The following RAPGEF4 variants were observed in gnomAD, a reference collection of about 807,000 sequenced individuals.
The protein encoded by RAPGEF4 is RAP guanine-nucleotide-exchange factor (GEF) 4.
In RAPGEF4, 66 loss-of-function variants were observed where a neutral mutation model predicts 147.9. The ratio of observed to expected loss-of-function variants is 0.45; its 90% CI spans 0.37 to 0.55. The LOEUF is 0.55. Among genes scored for constraint, RAPGEF4 ranks in the 20% least tolerant of loss-of-function variants. The pLI, the probability that RAPGEF4 is intolerant of heterozygous loss-of-function variation, is 0.00. For synonymous variants in RAPGEF4, 419 were observed against 442.7 expected, an observed-to-expected ratio of 0.95 and a Z score of 0.67; for missense variants, 1,071 against 1,257.3, an observed-to-expected ratio of 0.85 and a Z score of 2.24.
At chr2:172,764,998 CTG>C (rs1300280458) in intron 1 of RAPGEF4, among the ~76,000 whole-genome samples, 3 of 152,156 alleles carry the variant, frequency 2.0e-5, no homozygotes, top group Non-Finnish European at 4.4e-5. Flanking sequence ...TCTAACAGTT[CTG>C]GAGGCTAGAA....
At chr2:172,807,024 C>G (rs1277541219) in intron 3 of RAPGEF4, among the ~76,000 whole-genome samples, 1 of 152,220 alleles carries the variant, frequency 6.6e-6, no homozygotes, top group Non-Finnish European at 1.5e-5. Context: ...ACAGAGAACA[C>G]TGCCATCATT....
chr2:172,923,165 CT>C (rs1261368306), intron 6 of RAPGEF4, among the ~76,000 whole-genome samples: 3 of 152,190 alleles, frequency 2.0e-5, no homozygotes, highest in Non-Finnish European at 4.4e-5. Flanking sequence ...CAGTCTCTGG[CT>C]TGCTTTAGCT....
intron 1 of RAPGEF4, among the ~76,000 whole-genome samples, chr2:172,747,754 T>C (rs114190459): frequency 0.015 from 2,342 of 152,308 alleles, 63 homozygotes; most frequent in African/African-American, 0.054. Context: ...GGAGCCACTG[T>C]GTCCAGCCCA....
intron 4 of RAPGEF4, among the ~76,000 whole-genome samples, chr2:172,834,570 T>C (rs1182908530): frequency 6.6e-6 from 1 of 152,212 alleles, no homozygotes; most frequent in African/African-American, 2.4e-5. Flanking sequence ...TGTAAATAAA[T>C]TTGTTTATTT....
chr2:172,917,697 C>G (rs1205702658), intron 4 of RAPGEF4, 105 bp from the exon 5 acceptor site: 3 of 944,614 alleles, frequency 3.2e-6, no homozygotes, highest in Non-Finnish European at 1.7e-6. Context: ...ATACAAGGCT[C>G]AGATGCTTCC....
At chr2:172,998,338 G>T (rs1186736663) in intron 16 of RAPGEF4, among the ~76,000 whole-genome samples, 4 of 152,212 alleles carry the variant, frequency 2.6e-5, no homozygotes, top group Non-Finnish European at 5.9e-5. Flanking sequence ...TGAGTGGTCG[G>T]ATTTTTACTG....
intron 1 of RAPGEF4, among the ~76,000 whole-genome samples, chr2:172,754,688 T>C (rs1316411649): frequency 1.3e-5 from 2 of 151,906 alleles, no homozygotes; most frequent in Non-Finnish European, 2.9e-5. Flanking sequence ...TATTAGTAGA[T>C]AGGGCAAGGA....
chr2:172,999,081 G>A (rs1693651711), intron 16 of RAPGEF4, among the ~76,000 whole-genome samples: 1 of 152,166 alleles, frequency 6.6e-6, no homozygotes, highest in Admixed American at 6.5e-5. Context: ...TGTGCCAAGA[G>A]TAGCCTGATT....
chr2:172,831,481 T>C (rs149097879), intron 4 of RAPGEF4, among the ~76,000 whole-genome samples: 2,277 of 151,778 alleles, frequency 0.015, 19 homozygotes, highest in South Asian at 0.034. Flanking sequence ...GTTGGCCAGG[T>C]TGGTCTCGAA....
rs1332449341 is a variant in RAPGEF4, at chr2:173,042,313, CAA to C, written c.2853+5624_2853+5625del. Reference sequence around the variant, plus strand: ...TTTCAAATATTTTATGTAATAAATCCAAAAGTGTCTTCTATTTTATTAGAAAA... The same window carrying C: ...TTTCAAATATTTTATGTAATAAATCCAAGTGTCTTCTATTTTATTAGAAAA... On this transcript the variant is annotated intron_variant, in intron 29 of 30. Transcript: ENST00000397081. This position sits in a 1 kb window ranked among gnomAD's most constrained non-coding sequence, Gnocchi z 4.2. Among the ~76,000 whole-genome samples the C allele has an allele frequency of 1.3e-5, 2 of 152,142 alleles. No homozygotes were observed. Among genetic ancestry groups the C allele is most frequent in the African/African-American group, 2.4e-5 (1 of 41,428 alleles).
At chr2:173,049,296 C>T (rs751947447) in intron 30 of RAPGEF4, among the ~76,000 whole-genome samples, 104 of 152,112 alleles carry the variant, frequency 6.8e-4, no homozygotes, top group Non-Finnish European at 1.6e-4. Flanking sequence ...TGCATCATAG[C>T]ACCAGATGGT....
At chr2:173,030,104 A>AT (rs1298003120) in intron 25 of RAPGEF4, 60 bp from the exon 26 acceptor site, 45 of 1,199,322 alleles carry the variant, frequency 3.8e-5, no homozygotes, top group African/African-American at 1.1e-4. Context: ...TAGAACTCTA[A>AT]TTTTTTTTAT....
intron 27 of RAPGEF4, among the ~76,000 whole-genome samples, chr2:173,035,040 T>C (rs1199203302): frequency 2.0e-5 from 3 of 151,884 alleles, no homozygotes; most frequent in Non-Finnish European, 2.9e-5. Flanking sequence ...AGTAGAAATA[T>C]TGAGTATAAC....
At chr2:172,773,615 C>G (rs866236044) in intron 1 of RAPGEF4, among the ~76,000 whole-genome samples, 1 of 131,984 alleles carries the variant, frequency 7.6e-6, no homozygotes, top group Non-Finnish European at 1.7e-5. Context: ...CTTCCCTCCC[C>G]ACCCCACACT....
chr2:172,935,068 T>G lies in RAPGEF4; in HGVS notation c.537+12768T>G, dbSNP rs571867997. On this transcript the variant is annotated intron_variant, in intron 6 of 30. Transcript: ENST00000397081. Reference sequence around the variant, plus strand: ...GGCACGCACCTGTAGTCCCAGCTACTTAGGGGACTGTGGTGGTAGGATGGC... The same window carrying G: ...GGCACGCACCTGTAGTCCCAGCTACGTAGGGGACTGTGGTGGTAGGATGGC... 5.3e-4 allele frequency among the ~76,000 whole-genome samples: 81 copies of G among 152,284 alleles called. No homozygotes were observed. The Middle Eastern group carries it at 0.01, about 19-fold the overall frequency.
At position 173,017,437 on chromosome 2, in the gene RAPGEF4, T is replaced by C. The variant is rs1474952757; in HGVS notation, c.1941T>C (p.Leu647=). 6.2e-7 allele frequency: 1 copy of C among 1,614,194 alleles called. No individual in the cohort carries two copies. The highest frequency in any genetic ancestry group is 1.3e-5 in the African/African-American group (1 of 75,052). Residue 647 remains leucine, a synonymous_variant, in exon 21 of 31, where the codon CTT becomes CTC. Transcript: ENST00000397081. ...GGTTGTTTTTACAGCACAAGGTTCT[T>C]TTGCAACAGTTCAATACGGGCGATG... ...AKAPQKKHKV[L]LQQFNTGDER...
intron 3 of RAPGEF4, among the ~76,000 whole-genome samples, chr2:172,800,276 G>A (rs1686836301): frequency 6.6e-6 from 1 of 152,168 alleles, no homozygotes; most frequent in African/African-American, 2.4e-5. Context: ...CTAGAGTACA[G>A]CCTGAGATAA....
At chr2:172,745,610 T>A (rs896442521) in intron 1 of RAPGEF4, among the ~76,000 whole-genome samples, 1 of 152,190 alleles carries the variant, frequency 6.6e-6, no homozygotes, top group African/African-American at 2.4e-5. Context: ...AACTTATTCT[T>A]CTTTTTCTGG....
intron 4 of RAPGEF4, among the ~76,000 whole-genome samples, chr2:172,837,642 G>A (rs977343981): frequency 6.6e-6 from 1 of 152,106 alleles, no homozygotes; most frequent in African/African-American, 2.4e-5. Flanking sequence ...TGGGGTAATT[G>A]TAGCTCACTG....
Sources: gnomAD v4.1 joint callset for allele counts (sites outside exome capture counted in the v4.1 genomes callset) on GRCh38, gnomAD v4.1.1 for gene constraint, Gnocchi (gnomAD v3.1) non-coding constraint, MANE v1.5 for transcripts, NCBI Gene and HGNC (gene_info 2026-07-23, HGNC 2026-07-21) for gene names.